HS3ST5: variants seen among roughly 807,000 people sequenced by gnomAD.
HS3ST5 encodes the protein heparan sulfate glucosamine 3-O-sulfotransferase 5.
Under a neutral mutation model 25.4 loss-of-function variants are expected in HS3ST5, and 10 were observed. The observed-to-expected ratio is 0.39, with a 90% CI of 0.24 to 0.67. The LOEUF (loss-of-function observed/expected upper bound fraction) is 0.67. Ranked by LOEUF, HS3ST5 falls within the 30% of genes least tolerant of loss-of-function variation. The pLI, the probability that HS3ST5 is intolerant of heterozygous loss-of-function variation, is 0.44. For missense variants in HS3ST5, 324 were observed against 420.7 expected (o/e 0.77, Z 2.01); for synonymous variants, 170 against 162.4 (o/e 1.05, Z -0.36).
chr6:114,237,574 T>C (rs568358056), intron 1 of HS3ST5, among the ~76,000 whole-genome samples: 80 of 152,316 alleles, frequency 5.3e-4, no homozygotes, highest in African/African-American at 1.9e-3. Context: ...TCCACTGGTC[T>C]GGGGTGGAGA....
chr6:114,212,793 T>C (rs1420428730), intron 2 of HS3ST5, among the ~76,000 whole-genome samples: 1 of 152,162 alleles, frequency 6.6e-6, no homozygotes, highest in African/African-American at 2.4e-5. Flanking sequence ...GATAGCTCCC[T>C]TGACCCCTTC....
chr6:114,202,936 G>A (rs1174978614), intron 2 of HS3ST5, among the ~76,000 whole-genome samples: 1 of 152,126 alleles, frequency 6.6e-6, no homozygotes, highest in Non-Finnish European at 1.5e-5. Context: ...TTATCTTCTA[G>A]GCTTTCAGGC....
chr6:114,254,209 A>G (rs1460712083), intron 1 of HS3ST5, among the ~76,000 whole-genome samples: 2 of 152,170 alleles, frequency 1.3e-5, no homozygotes, highest in African/African-American at 4.8e-5. Flanking sequence ...CAGATTTTCT[A>G]TTGTCCCTGC....
At chr6:114,223,988 C>A in intron 2 of HS3ST5, among the ~76,000 whole-genome samples, 1 of 151,598 alleles carries the variant, frequency 6.6e-6, no homozygotes, top group East Asian at 1.9e-4. Context: ...ATTACTTATT[C>A]AAGATCATAT....
intron 3 of HS3ST5, among the ~76,000 whole-genome samples, chr6:114,145,682 A>G (rs903168157): frequency 6.6e-6 from 1 of 152,194 alleles, no homozygotes; most frequent in Non-Finnish European, 1.5e-5. Flanking sequence ...CAAAGACAGC[A>G]GATGCAGAAG....
rs1284417467 is a variant in HS3ST5, at chr6:114,076,057, G to A, written c.-32-13180C>T. 3.9e-5 allele frequency among the ~76,000 whole-genome samples: 6 copies of A among 152,172 alleles called. No homozygotes were observed. In the East Asian group the frequency reaches 7.7e-4, roughly 20 times the overall value. On this transcript the variant is annotated intron_variant, in intron 3 of 4. Transcript: ENST00000312719. ...GTTTCATCACAATAGATTACTGAGG[G>A]AAATCCTGTGAGGTGAAGAGGACAG...
chr6:114,187,899 C>T (rs1023424341), intron 2 of HS3ST5, among the ~76,000 whole-genome samples: 8 of 152,108 alleles, frequency 5.3e-5, no homozygotes, highest in African/African-American at 1.9e-4. Flanking sequence ...CAAGGCAAGA[C>T]CCTCCACCAG....
At chr6:114,281,191 T>G (rs1774092610) in intron 1 of HS3ST5, among the ~76,000 whole-genome samples, 1 of 152,064 alleles carries the variant, frequency 6.6e-6, no homozygotes, top group Non-Finnish European at 1.5e-5. Context: ...TTTCACTTAC[T>G]TCATGTTACC....
intron 1 of HS3ST5, among the ~76,000 whole-genome samples, chr6:114,331,153 A>G (rs773258367): frequency 5.9e-5 from 9 of 152,212 alleles, no homozygotes; most frequent in Non-Finnish European, 1.0e-4. Flanking sequence ...GTCACAGTAA[A>G]CCGCATGGTT....
chr6:114,102,135 C>T (rs1775766319), intron 3 of HS3ST5, among the ~76,000 whole-genome samples: 1 of 152,098 alleles, frequency 6.6e-6, no homozygotes, highest in Non-Finnish European at 1.5e-5. Context: ...AATCTGTATA[C>T]CAAACCTCTG....
chr6:114,291,672 G>A (rs2114776518), intron 1 of HS3ST5, among the ~76,000 whole-genome samples: 1 of 152,236 alleles, frequency 6.6e-6, no homozygotes, highest in South Asian at 2.1e-4. Context: ...ATAAATGGAT[G>A]GTGCCACCAG....
chr6:114,141,155 C>T (rs868833216), intron 3 of HS3ST5, among the ~76,000 whole-genome samples: 6 of 152,330 alleles, frequency 3.9e-5, no homozygotes, highest in Admixed American at 2.0e-4. Flanking sequence ...TGTGTCTCTT[C>T]CTGCCCCTAC....
At chr6:114,163,936 G>A (rs991848079) in intron 3 of HS3ST5, among the ~76,000 whole-genome samples, 1 of 152,060 alleles carries the variant, frequency 6.6e-6, no homozygotes, top group Non-Finnish European at 1.5e-5. Flanking sequence ...CTTAGCTGCA[G>A]TTTTCTCAGC....
rs780604705 is a variant in HS3ST5, at chr6:114,058,105, G to A, written c.193C>T (p.Arg65Cys). 26 of 1,613,966 alleles carry A rather than the reference G, an allele frequency of 1.6e-5. No homozygotes were observed. Among genetic ancestry groups the A allele is most frequent in the African/African-American group, 2.7e-5 (2 of 74,918 alleles). Residue 65 changes from arginine to cysteine, a missense_variant, in exon 5 of 5, where the codon CGT becomes TGT. Physicochemically the swap from Arg to Cys is radical, Grantham distance 180 (BLOSUM62 -3). Around this residue, in one of 2 missense-constraint regions of HS3ST5, gnomAD observed 121 missense variants for 117.3 expected, o/e 1.03. Transcript: ENST00000312719. The part of the protein sequence containing the change: ...EFPLRALQFK[R>C]GLLHEFRKGN... ...TTCCGGAACTCGTGCAGCAGGCCAC[G>A]CTTAAACTGCAGGGCGCGAAGTGGG...
intron 1 of HS3ST5, among the ~76,000 whole-genome samples, chr6:114,233,021 C>G (rs1771677242): frequency 6.6e-6 from 1 of 151,328 alleles, no homozygotes; most frequent in Admixed American, 6.6e-5. Context: ...TGATCCCTGT[C>G]TAACTCTCTA....
rs1237056083 is a variant in HS3ST5, at chr6:114,323,310, T to C, written c.-339+18885A>G. ...ACTGCCTAGTGCATATTTAATGATA[T>C]GTAAAATTATTAAAGGATTAAGGAG... On this transcript the variant is annotated intron_variant, in intron 1 of 4. Coordinates refer to ENST00000312719, the MANE Select transcript of HS3ST5 (RefSeq NM_153612.4). 2.6e-5 allele frequency among the ~76,000 whole-genome samples: 4 copies of C among 152,174 alleles called. No homozygotes were observed. In the East Asian group the frequency reaches 5.8e-4, roughly 22 times the overall value.
In HS3ST5 at chr6:114,295,077, A is replaced by G. The variant is rs900339878; in HGVS notation, c.-339+47118T>C. ...TTCAAACCCAGATAGCTGGCATCAG[A>G]ACAAAATCACACACAAGAGCAAGAT... On this transcript the variant is annotated intron_variant, in intron 1 of 4. Coordinates refer to ENST00000312719, the MANE Select transcript of HS3ST5 (RefSeq NM_153612.4). Among the ~76,000 whole-genome samples the G allele has an allele frequency of 2.0e-5, 3 of 152,206 alleles. No individual in the cohort carries two copies. The East Asian group carries it at 5.8e-4, about 29-fold the overall frequency.
chr6:114,156,023 G>A (rs1328109794), intron 3 of HS3ST5, among the ~76,000 whole-genome samples: 1 of 152,208 alleles, frequency 6.6e-6, no homozygotes, highest in Non-Finnish European at 1.5e-5. Context: ...ACAGGGCAGA[G>A]AAACCAGAAC....
At chr6:114,261,157 T>A (rs906207922) in intron 1 of HS3ST5, among the ~76,000 whole-genome samples, 4 of 151,938 alleles carry the variant, frequency 2.6e-5, no homozygotes, top group Middle Eastern at 3.4e-3. Context: ...AGAATTTGGG[T>A]AGGAAAAAAA....
Sources: gnomAD v4.1 joint callset for allele counts (sites outside exome capture counted in the v4.1 genomes callset) on GRCh38, gnomAD v4.1.1 for gene constraint, gnomAD v4.1.1 regional missense constraint, MANE v1.5 for transcripts, NCBI Gene and HGNC (gene_info 2026-07-23, HGNC 2026-07-21) for gene names.